The following ESRRB variants were observed in gnomAD, a reference collection of about 807,000 sequenced individuals.
ESRRB encodes steroid hormone receptor ERR2.
Under a neutral mutation model 46.0 loss-of-function variants are expected in ESRRB, and 16 were observed. The ratio of observed to expected loss-of-function variants is 0.35; its 90% CI spans 0.24 to 0.53. The LOEUF (loss-of-function observed/expected upper bound fraction) is 0.53, where lower values mean the gene tolerates loss of function less well. ESRRB is among the 20% of genes least tolerant of loss of function. The pLI is 0.93. For missense variants in ESRRB, 488 were observed against 607.4 expected (o/e 0.80, Z 2.07); for synonymous variants, 246 against 259.6 (o/e 0.95, Z 0.50).
At chr14:76,425,986 T>C (rs1027838212) in intron 1 of ESRRB, among the ~76,000 whole-genome samples, 1 of 152,248 alleles carries the variant, frequency 6.6e-6, no homozygotes, top group Non-Finnish European at 1.5e-5. Flanking sequence ...CACCACTAAC[T>C]GCATTGATAC....
intron 1 of ESRRB, among the ~76,000 whole-genome samples, chr14:76,408,591 C>CAAAAAAA (rs35955826): frequency 2.1e-4 from 9 of 42,152 alleles, no homozygotes; most frequent in African/African-American, 9.5e-4. Context: ...GACCCTGTCT[C>CAAAAAAA]AAAAAAAAAA....
At chr14:76,446,594 A>G (rs921961393) in intron 2 of ESRRB, among the ~76,000 whole-genome samples, 6 of 152,170 alleles carry the variant, frequency 3.9e-5, no homozygotes, top group African/African-American at 1.4e-4. Context: ...GAAAAAACAG[A>G]CATACTTAGG....
chr14:76,327,930 T>C (rs905262559), intron 1 of ESRRB, among the ~76,000 whole-genome samples: 4 of 152,012 alleles, frequency 2.6e-5, no homozygotes, highest in Non-Finnish European at 5.9e-5. Context: ...GCCAGGCTGG[T>C]CTCGAACTCC....
chr14:76,489,799 G>T (rs530361329), intron 5 of ESRRB, among the ~76,000 whole-genome samples: 90 of 152,284 alleles, frequency 5.9e-4, no homozygotes, highest in Admixed American at 9.8e-4. Flanking sequence ...GGATGGGGGA[G>T]ACCACACAAG....
At chr14:76,332,482 T>A (rs1173128486) in intron 1 of ESRRB, among the ~76,000 whole-genome samples, 1 of 112,244 alleles carries the variant, frequency 8.9e-6, no homozygotes, top group Non-Finnish European at 1.7e-5. Context: ...ATATATATAA[T>A]ATATAAATAT....
chr14:76,391,633 GCTC>G (rs1443786241), intron 1 of ESRRB, among the ~76,000 whole-genome samples: 1 of 152,216 alleles, frequency 6.6e-6, no homozygotes, highest in Non-Finnish European at 1.5e-5. Flanking sequence ...TTTACCCTGA[GCTC>G]CTCAAGGGCC....
At chr14:76,432,676 T>C (rs1213025185) in intron 1 of ESRRB, among the ~76,000 whole-genome samples, 10 of 109,484 alleles carry the variant, frequency 9.1e-5, no homozygotes, top group Admixed American at 7.9e-4. Context: ...TCTCTCTTTT[T>C]TTTTTTTTTT....
chr14:76,435,127 G>A (rs1887618791), intron 1 of ESRRB, among the ~76,000 whole-genome samples: 1 of 152,228 alleles, frequency 6.6e-6, no homozygotes, highest in East Asian at 1.9e-4. Flanking sequence ...GGCCTGATGG[G>A]CAGCCGCTAG....
intron 1 of ESRRB, among the ~76,000 whole-genome samples, chr14:76,407,005 C>A (rs1341693813): frequency 2.0e-5 from 3 of 152,200 alleles, no homozygotes; most frequent in Admixed American, 2.0e-4. Context: ...GTTGTTGGCA[C>A]AATGAATGAA....
chr14:76,479,250 C>T (rs1052467227), intron 3 of ESRRB, among the ~76,000 whole-genome samples: 72 of 151,570 alleles, frequency 4.8e-4, no homozygotes, highest in African/African-American at 1.6e-3. Flanking sequence ...TGCATGCGTG[C>T]GTGTGTGTGT....
At chr14:76,332,752 TATATATAAATATATAA>T in intron 1 of ESRRB, among the ~76,000 whole-genome samples, 1 of 10,624 alleles carries the variant, frequency 9.4e-5, no homozygotes, top group South Asian at 6.8e-3. Flanking sequence ...ATTTATATAT[TATATATAAATATATAA>T]TATATATTAT....
At chr14:76,388,175 C>CTTTTTTTTTTTTT (rs35368784) in intron 1 of ESRRB, among the ~76,000 whole-genome samples, 1 of 118,260 alleles carries the variant, frequency 8.5e-6, no homozygotes. Context: ...TTCTTTCATT[C>CTTTTTTTTTTTTT]TTTTTTTTTT....
chr14:76,321,546 G>A (rs1595043834), intron 1 of ESRRB, among the ~76,000 whole-genome samples: 3 of 152,078 alleles, frequency 2.0e-5, no homozygotes, highest in South Asian at 2.1e-4. Context: ...ACCCTTACCC[G>A]ATACCTAATC....
At position 76,501,537 on chromosome 14, in the gene ESRRB, G is replaced by A. The variant is rs1890659474; in HGVS notation, c.*3079G>A. On this transcript the variant is annotated 3_prime_UTR_variant, in exon 7 of 7. Transcript: ENST00000644823. ...CTCTGTGCAGATGGAAGTGGCAGGG[G>A]AGGGTGACCAGCTTGTGACAAGAAG... is the stretch of plus-strand genomic sequence containing the variant. 6.6e-6 allele frequency: 1 copy of A among 152,216 alleles called. No individual in the cohort carries two copies. Among genetic ancestry groups the A allele is most frequent in the Non-Finnish European group, 1.5e-5 (1 of 68,074 alleles). The allele number at this position is 152,216 out of a possible 1,614,324, so 9.4% of individuals were successfully genotyped here.
intron 1 of ESRRB, among the ~76,000 whole-genome samples, chr14:76,319,848 G>A (rs773086504): frequency 1.3e-5 from 2 of 152,052 alleles, no homozygotes; most frequent in African/African-American, 2.4e-5. Flanking sequence ...TTGGTGGACC[G>A]GGGCAGTCAG....
chr14:76,420,729 G>A (rs1886919990), intron 1 of ESRRB, among the ~76,000 whole-genome samples: 1 of 152,296 alleles, frequency 6.6e-6, no homozygotes, highest in South Asian at 2.1e-4. Flanking sequence ...CACAGAGGTT[G>A]GAGGGATGGA....
chr14:76,360,782 A>G (rs769393861), intron 1 of ESRRB, among the ~76,000 whole-genome samples: 8 of 152,184 alleles, frequency 5.3e-5, no homozygotes, highest in Admixed American at 1.3e-4. Flanking sequence ...TTAACAGTTG[A>G]TAGATAAAGA....
At chr14:76,432,606 C>CCCAGCTAATTTTTGT (rs1555396599) in intron 1 of ESRRB, among the ~76,000 whole-genome samples, 1 of 147,808 alleles carries the variant, frequency 6.8e-6, no homozygotes, top group Non-Finnish European at 1.5e-5. Context: ...CTGCCACCTA[C>CCCAGCTAATTTTTGT]AAACTTCTCA....
chr14:76,479,090 G>A (rs951516789), intron 3 of ESRRB, among the ~76,000 whole-genome samples: 1 of 152,136 alleles, frequency 6.6e-6, no homozygotes, highest in Non-Finnish European at 1.5e-5. Context: ...TTCCTCTGTG[G>A]CCAGGCCTGA....
Sources: allele counts gnomAD v4.1 joint callset (sites outside exome capture counted in the v4.1 genomes callset), GRCh38; gene constraint gnomAD v4.1.1; transcripts MANE v1.5; gene names NCBI Gene and HGNC (gene_info 2026-07-23, HGNC 2026-07-21).